Variants in TBC1D16 observed in about 807,000 individuals in gnomAD.
The protein encoded by TBC1D16 is CTD-2529O21.1.
TBC1D16 carries 58 observed loss-of-function variants against 74.7 expected under a neutral mutation model. The observed-to-expected ratio is 0.78, with a 90% CI of 0.63 to 0.97. The LOEUF is 0.97. TBC1D16 is among the 50% of genes least tolerant of loss of function. TBC1D16 has a pLI of 0.00. For synonymous variants in TBC1D16, 493 were observed against 474.7 expected, an observed-to-expected ratio of 1.04 and a Z score of -0.50; for missense variants, 1,014 against 1,079.5, an observed-to-expected ratio of 0.94 and a Z score of 0.85.
rs150584186 is a variant in TBC1D16, at chr17:80,022,314, A to C, written c.-62-8705T>G. The stretch of plus-strand genomic sequence containing the variant: ...CACTGAAATCTATGATAAATTAATA[A>C]AGCTGGGACGTTTATTTTTATTTAT... On this transcript the variant is annotated intron_variant, in intron 1 of 11. Transcript: ENST00000310924. 6.0e-5 allele frequency among the ~76,000 whole-genome samples: 9 copies of C among 149,704 alleles called. No individual in the cohort carries two copies. In the East Asian group the frequency reaches 1.7e-3, roughly 29 times the overall value.
chr17:79,961,916 C>T lies in TBC1D16; in HGVS notation c.780-9098G>A, dbSNP rs1243649509. ...TAAAATAGATAAGAACTGAAAACAA[C>T]CCAGGGTTTATCAACAGCCAATGCA... On this transcript the variant is annotated intron_variant, in intron 3 of 11. Coordinates refer to ENST00000310924, the MANE Select transcript of TBC1D16 (RefSeq NM_019020.4). The surrounding 1 kb of genome is among the most constrained non-coding windows in gnomAD (Gnocchi z 4.8). Among the ~76,000 whole-genome samples, 2 of 151,910 alleles carry T rather than the reference C, an allele frequency of 1.3e-5. No homozygotes were observed. Among genetic ancestry groups the T allele is most frequent in the Non-Finnish European group, 2.9e-5 (2 of 67,962 alleles).
In TBC1D16 at chr17:79,944,828, A is replaced by G. The variant is rs1408834357; in HGVS notation, c.1908+80T>C. 6 of 1,300,156 alleles carry G rather than the reference A, an allele frequency of 4.6e-6. No homozygotes were observed. In the East Asian group the frequency reaches 1.3e-4, roughly 28 times the overall value. 80.5% of individuals were successfully genotyped at this position (1,300,156 alleles called of 1,614,324 possible). On this transcript the variant is annotated intron_variant, in intron 10 of 11. Coordinates refer to ENST00000310924, the MANE Select transcript of TBC1D16 (RefSeq NM_019020.4). The surrounding 1 kb of genome is among the most constrained non-coding windows in gnomAD (Gnocchi z 7.7). Reference sequence around the variant, plus strand: ...GTGGGTGGGGGGCGGCGAGGCGGACAGGGGCAGCAGGCAGGGTGGCCACGG... The same window carrying G: ...GTGGGTGGGGGGCGGCGAGGCGGACGGGGGCAGCAGGCAGGGTGGCCACGG...
chr17:79,954,473 C>T lies in TBC1D16; in HGVS notation c.780-1655G>A, dbSNP rs1026469199. ...TCCTCCCACTGCTGGGGCCCCTGGG[C>T]TCTCAAGGAAACTGAGTCAGGTAAA... On this transcript the variant is annotated intron_variant, in intron 3 of 11. Transcript: ENST00000310924. This position sits in a 1 kb window ranked among gnomAD's most constrained non-coding sequence, Gnocchi z 5.5. Among the ~76,000 whole-genome samples the T allele has an allele frequency of 1.3e-5, 2 of 152,294 alleles. No individual in the cohort carries two copies. The highest frequency in any genetic ancestry group is 2.1e-4 in the South Asian group (1 of 4,822).
rs2035760289 is a variant in TBC1D16 at position 80,008,518 on chromosome 17, C to CT, written c.779+1641dup. Among the ~76,000 whole-genome samples, 1 of 152,170 alleles carries CT rather than the reference C, an allele frequency of 6.6e-6. No individual in the cohort carries two copies. Among genetic ancestry groups the CT allele is most frequent in the African/African-American group, 2.4e-5 (1 of 41,440 alleles). ...CTGGGACCTTCCCCTCGCCTGGGCC[C>CT]TGGGGATGCAGGGACACGGGGACGC... On this transcript the variant is annotated intron_variant, in intron 3 of 11. Coordinates refer to ENST00000310924, the MANE Select transcript of TBC1D16 (RefSeq NM_019020.4). The surrounding 1 kb of genome is among the most constrained non-coding windows in gnomAD (Gnocchi z 4.5).
rs756223882 is a variant in TBC1D16 at position 80,013,473 on chromosome 17, G to A, written c.75C>T (p.Ser25=). The A allele has an allele frequency of 7.8e-5, 125 of 1,593,932 alleles. No homozygotes were observed. Among genetic ancestry groups the A allele is most frequent in the Non-Finnish European group, 9.7e-5 (114 of 1,171,092 alleles). Residue 25 remains serine (S), a synonymous_variant, in exon 2 of 12, where the codon AGC becomes AGT. Coordinates refer to ENST00000310924, the MANE Select transcript of TBC1D16 (RefSeq NM_019020.4). ...SDLLTLTPGG[S]GSGSPSVLDG... is the part of the protein sequence containing the mutation. ...CCAGGACAGAGGGGGACCCGCTGCC[G>A]CTGCCACCGGGGGTGAGGGTCAGGA... is the stretch of plus-strand genomic sequence containing the variant.
At chr17:80,003,053 CAGCAAGGTGGGA>C (rs1043950746) in intron 3 of TBC1D16, among the ~76,000 whole-genome samples, 1 of 152,174 alleles carries the variant, frequency 6.6e-6, no homozygotes, top group Non-Finnish European at 1.5e-5. Context: ...CAGCTGCGGG[CAGCAAGGTGGGA>C]AGCGGCTATG....
chr17:79,981,235 G>T lies in TBC1D16; in HGVS notation c.780-28417C>A, dbSNP rs924425116. Among the ~76,000 whole-genome samples, 1 of 152,086 alleles carries T rather than the reference G, an allele frequency of 6.6e-6. No individual in the cohort carries two copies. The highest frequency in any genetic ancestry group is 1.5e-5 in the Non-Finnish European group (1 of 68,006). On this transcript the variant is annotated intron_variant, in intron 3 of 11. Transcript: ENST00000310924. This position sits in a 1 kb window ranked among gnomAD's most constrained non-coding sequence, Gnocchi z 6.9. ...AGTTTCAGGGGAGCCAGCATCTTCC[G>T]CACCAATGCACTGCTTGGCCCGGCT...
At chr17:79,942,014 C>T (rs2032051968) in intron 11 of TBC1D16, 46 bp downstream of exon 11, 1 of 1,057,518 alleles carries the variant, frequency 9.5e-7, no homozygotes, top group Non-Finnish European at 1.2e-6. Flanking sequence ...TGGGGTGGGG[C>T]TTTGGGGGCG....
chr17:79,952,425 G>A (rs557559076), intron 4 of TBC1D16, among the ~76,000 whole-genome samples: 2 of 152,360 alleles, frequency 1.3e-5, no homozygotes, highest in South Asian at 2.1e-4. Context: ...CTACCATCAC[G>A]CTGAAGGTAG....
rs150884361 is a variant in TBC1D16 at position 80,011,556 on chromosome 17, A to G, written c.182-799T>C. On this transcript the variant is annotated intron_variant, in intron 2 of 11. Transcript: ENST00000310924. The stretch of plus-strand genomic sequence containing the variant: ...AAAAGAATTCATACAGCCAGGCGTG[A>G]TGGCTCACGCCTGTAATCCCAGCAC... 3.5e-4 allele frequency among the ~76,000 whole-genome samples: 53 copies of G among 152,178 alleles called. 1 individual carries two copies. The East Asian group carries it at 0.01, about 30-fold the overall frequency.
rs181937829 is a variant in TBC1D16, at chr17:79,937,793, G to C, written c.*3066C>G. On this transcript the variant is annotated 3_prime_UTR_variant, in exon 12 of 12. Coordinates refer to ENST00000310924, the MANE Select transcript of TBC1D16 (RefSeq NM_019020.4). ...GGACCTTCCAGGGCTGGCAAGCATC[G>C]AGCCTGACCACGTTGCCTCTTGGGT... 16 of 152,300 alleles carry C rather than the reference G, an allele frequency of 1.1e-4. No individual in the cohort carries two copies. The East Asian group carries it at 2.9e-3, about 28-fold the overall frequency. 9.4% of individuals were successfully genotyped at this position (152,300 alleles called of 1,614,324 possible).
chr17:79,945,238 C>A, intron 9 of TBC1D16, 151 bp from the exon 10 acceptor site: 1 of 814,410 alleles, frequency 1.2e-6, no homozygotes, highest in Non-Finnish European at 1.9e-6. Context: ...CCTGCCCCCC[C>A]AACGCTCCAT....
intron 1 of TBC1D16, among the ~76,000 whole-genome samples, chr17:80,032,417 C>T (rs914294841): frequency 6.6e-6 from 1 of 150,404 alleles, no homozygotes; most frequent in Non-Finnish European, 1.5e-5. Context: ...GGGCAGAAAT[C>T]GAACTTAGTC....
intron 3 of TBC1D16, among the ~76,000 whole-genome samples, chr17:79,998,076 G>C (rs985285318): frequency 2.3e-5 from 3 of 132,310 alleles, no homozygotes; most frequent in Non-Finnish European, 4.6e-5. Context: ...AGTGAGCTAA[G>C]ATTGTGCCAT....
rs1368829453 is a variant in TBC1D16, at chr17:79,938,412, G to A, written c.*2447C>T. The A allele has an allele frequency of 6.6e-6, 1 of 152,466 alleles. No homozygotes were observed. The highest frequency in any genetic ancestry group is 1.5e-5 in the Non-Finnish European group (1 of 68,232). 9.4% of individuals were successfully genotyped at this position (152,466 alleles called of 1,614,324 possible). A position where few individuals can be genotyped will look rare whatever the true frequency, so the allele number is the denominator to read the frequency against. ...CGGGTCAGGTCTTGGGGAGCAGCAGGGGTGAGAAGCTGTAGGGCCAGGAGA... is the reference window on the plus strand; with the variant it reads ...CGGGTCAGGTCTTGGGGAGCAGCAGAGGTGAGAAGCTGTAGGGCCAGGAGA... On this transcript the variant is annotated 3_prime_UTR_variant, in exon 12 of 12. Transcript: ENST00000310924.
In TBC1D16 at chr17:80,035,720, G is replaced by A. The variant is rs2036977287; in HGVS notation, c.-63+75C>T. On this transcript the variant is annotated intron_variant, in intron 1 of 11. Coordinates refer to ENST00000310924, the MANE Select transcript of TBC1D16 (RefSeq NM_019020.4). The surrounding 1 kb of genome is among the most constrained non-coding windows in gnomAD (Gnocchi z 5.3). The stretch of plus-strand genomic sequence containing the variant: ...CGCGCGCCCCCGCCCCAGCTCCGCC[G>A]AGGGGGCGCTGCTCGCTGCGCGGTG... 6.8e-6 allele frequency: 1 copy of A among 147,356 alleles called. No homozygotes were observed. The highest frequency in any genetic ancestry group is 2.1e-4 in the South Asian group (1 of 4,804). 9.1% of individuals were successfully genotyped at this position (147,356 alleles called of 1,614,324 possible).
intron 1 of TBC1D16, among the ~76,000 whole-genome samples, chr17:80,025,146 A>ACACACG (rs1568650142): frequency 1.6e-3 from 142 of 87,908 alleles, no homozygotes; most frequent in African/African-American, 7.7e-3. Context: ...AGGCACACAC[A>ACACACG]AACACACCAG....
Position 79,941,218 on chromosome 17 carries a change from G to A in TBC1D16, c.2056-111C>T, listed in dbSNP as rs1008039157. On this transcript the variant is annotated intron_variant, in intron 11 of 11. Coordinates refer to ENST00000310924, the MANE Select transcript of TBC1D16 (RefSeq NM_019020.4). The surrounding 1 kb of genome is among the most constrained non-coding windows in gnomAD (Gnocchi z 4.3). ...CAGCAGCAACAACGGCCTGCACCTC[G>A]GGGGCTCACCGAGTCCTGGACTGAG... 1.5e-5 allele frequency: 17 copies of A among 1,096,980 alleles called. No individual in the cohort carries two copies. Among genetic ancestry groups the A allele is most frequent in the South Asian group, 9.8e-5 (6 of 61,288 alleles). The allele number at this position is 1,096,980 out of a possible 1,614,324, so 68.0% of individuals were successfully genotyped here. A position where few individuals can be genotyped will look rare whatever the true frequency, so the allele number is the denominator to read the frequency against.
At chr17:80,032,094 G>A (rs2143454690) in intron 1 of TBC1D16, among the ~76,000 whole-genome samples, 1 of 152,338 alleles carries the variant, frequency 6.6e-6, no homozygotes, top group Middle Eastern at 3.4e-3. Flanking sequence ...CTATATTGGA[G>A]CATTGAATTC....
Sources: gnomAD v4.1 joint callset for allele counts (sites outside exome capture counted in the v4.1 genomes callset) on GRCh38, gnomAD v4.1.1 for gene constraint, Gnocchi (gnomAD v3.1) non-coding constraint, MANE v1.5 for transcripts, NCBI Gene and HGNC (gene_info 2026-07-23, HGNC 2026-07-21) for gene names.